The following RAB38 variants were observed in gnomAD, a reference collection of about 807,000 sequenced individuals.
The protein encoded by RAB38 is RAB38, member RAS oncogene family.
Under a neutral mutation model 18.4 loss-of-function variants are expected in RAB38, and 15 were observed. The observed-to-expected ratio is 0.82, with a 90% CI of 0.55 to 1.26. The LOEUF (loss-of-function observed/expected upper bound fraction) is 1.26. Among genes scored for constraint, RAB38 ranks in the 50% most tolerant of loss-of-function variants. The pLI is 0.00. For synonymous variants in RAB38, 101 were observed against 104.4 expected, an observed-to-expected ratio of 0.97 and a Z score of 0.20; for missense variants, 294 against 267.4, an observed-to-expected ratio of 1.10 and a Z score of -0.69.
At chr11:88,092,531 G>A in the RAB38 span, among the ~76,000 whole-genome samples, 1 of 151,458 alleles carries the variant, frequency 6.6e-6, no homozygotes, top group Non-Finnish European at 1.5e-5. Flanking sequence ...TATGAGTACA[G>A]CACCAAGTCA....
chr11:88,033,548 C>T, the RAB38 span, among the ~76,000 whole-genome samples: 1 of 151,852 alleles, frequency 6.6e-6, no homozygotes, highest in Admixed American at 6.5e-5. Context: ...TCCTGTGTAC[C>T]TTTTACCAGG....
the RAB38 span, among the ~76,000 whole-genome samples, chr11:87,820,769 C>A: frequency 0.012 from 1,882 of 151,982 alleles, 42 homozygotes; most frequent in African/African-American, 0.044. Context: ...TAAAATAACT[C>A]TCTAATATGC....
the RAB38 span, among the ~76,000 whole-genome samples, chr11:88,037,256 T>C: frequency 6.6e-6 from 1 of 152,080 alleles, no homozygotes; most frequent in Non-Finnish European, 1.5e-5. Context: ...AATAATCTCA[T>C]AAGTTTGTTC....
the RAB38 span, among the ~76,000 whole-genome samples, chr11:87,911,289 G>A: frequency 9.9e-5 from 15 of 151,974 alleles, no homozygotes; most frequent in East Asian, 1.2e-3. Flanking sequence ...ATTAATTTTC[G>A]ATTCAACTTG....
chr11:87,819,770 G>GTGTATA, the RAB38 span, among the ~76,000 whole-genome samples: 215 of 63,094 alleles, frequency 3.4e-3, 1 homozygote, highest in African/African-American at 0.013. Flanking sequence ...ATATATATGT[G>GTGTATA]TATATATATA....
the RAB38 span, among the ~76,000 whole-genome samples, chr11:87,954,425 A>C: frequency 6.6e-6 from 1 of 152,200 alleles, no homozygotes. Flanking sequence ...AAGGTGACTA[A>C]TTGGTCTTCA....
At chr11:87,949,041 C>T in the RAB38 span, among the ~76,000 whole-genome samples, 2 of 152,048 alleles carry the variant, frequency 1.3e-5, no homozygotes, top group Non-Finnish European at 2.9e-5. Context: ...GGTTGGTAAG[C>T]TATTGATTAT....
At chr11:87,804,766 A>G in the RAB38 span, among the ~76,000 whole-genome samples, 10 of 152,182 alleles carry the variant, frequency 6.6e-5, no homozygotes, top group East Asian at 1.9e-3. Flanking sequence ...TTATTTCTAT[A>G]TAATCCATAA....
the RAB38 span, among the ~76,000 whole-genome samples, chr11:87,863,683 C>A: frequency 6.6e-6 from 1 of 151,780 alleles, no homozygotes; most frequent in Non-Finnish European, 1.5e-5. Context: ...GATAGAATCA[C>A]TTTCTGCTTG....
chr11:88,022,819 T>A, the RAB38 span, among the ~76,000 whole-genome samples: 5 of 152,164 alleles, frequency 3.3e-5, no homozygotes, highest in Admixed American at 1.3e-4. Context: ...TGATTCCATG[T>A]CTTTACTATT....
At chr11:88,075,890 A>G in the RAB38 span, among the ~76,000 whole-genome samples, 1 of 138,882 alleles carries the variant, frequency 7.2e-6, no homozygotes, top group Non-Finnish European at 1.5e-5. Flanking sequence ...CAAAAAAAAG[A>G]AAACAAAAAA....
chr11:87,914,692 C>T, the RAB38 span, among the ~76,000 whole-genome samples: 2 of 152,238 alleles, frequency 1.3e-5, no homozygotes, highest in Admixed American at 1.3e-4. Context: ...GCCCTGACAC[C>T]ATTTCAAAGA....
intron 1 of RAB38, among the ~76,000 whole-genome samples, chr11:88,155,491 GA>G (rs1164848013): frequency 6.6e-6 from 1 of 151,272 alleles, no homozygotes; most frequent in Non-Finnish European, 1.5e-5. Context: ...AAAAAGGAAA[GA>G]AAAAAATAGC....
chr11:87,833,866 C>T, the RAB38 span, among the ~76,000 whole-genome samples: 4 of 152,310 alleles, frequency 2.6e-5, no homozygotes, highest in South Asian at 8.3e-4. Flanking sequence ...AATCCCAAAA[C>T]CTGTGAATAT....
chr11:87,941,128 A>C, the RAB38 span, among the ~76,000 whole-genome samples: 1 of 148,156 alleles, frequency 6.7e-6, no homozygotes, highest in South Asian at 2.1e-4. Flanking sequence ...ATTAGACGCT[A>C]ATTATTTGCT....
the RAB38 span, among the ~76,000 whole-genome samples, chr11:87,902,692 T>C: frequency 6.6e-6 from 1 of 151,478 alleles, no homozygotes; most frequent in African/African-American, 2.4e-5. Flanking sequence ...TTAAATTCTC[T>C]CAGCAATATG....
At chr11:88,142,445 T>G (rs1228275573) in intron 2 of RAB38, among the ~76,000 whole-genome samples, 1 of 152,244 alleles carries the variant, frequency 6.6e-6, no homozygotes, top group Non-Finnish European at 1.5e-5. Flanking sequence ...TAGAGCATCC[T>G]ATGCACTGAA....
At chr11:88,053,059 A>AT in the RAB38 span, among the ~76,000 whole-genome samples, 4 of 129,046 alleles carry the variant, frequency 3.1e-5, no homozygotes, top group Non-Finnish European at 4.7e-5. Flanking sequence ...TGGAATATAT[A>AT]TATTATATAT....
At chr11:87,803,731 A>T in the RAB38 span, among the ~76,000 whole-genome samples, 1 of 152,244 alleles carries the variant, frequency 6.6e-6, no homozygotes, top group Non-Finnish European at 1.5e-5. Context: ...GACCTGTGAA[A>T]CTACAAAACA....
Sources: allele counts gnomAD v4.1 joint callset (sites outside exome capture counted in the v4.1 genomes callset), GRCh38; gene constraint gnomAD v4.1.1; transcripts MANE v1.5; gene names NCBI Gene and HGNC (gene_info 2026-07-23, HGNC 2026-07-21).